FTO: variants seen among roughly 807,000 people sequenced by gnomAD.
FTO encodes alpha-ketoglutarate-dependent dioxygenase FTO.
In FTO, 47 loss-of-function variants were observed where a neutral mutation model predicts 63.9. The ratio of observed to expected loss-of-function variants is 0.74; its 90% CI spans 0.58 to 0.94. FTO has a LOEUF of 0.94. FTO is among the 40% of genes least tolerant of loss of function. The pLI is 0.00. For synonymous variants in FTO, 207 were observed against 224.4 expected (o/e 0.92, Z 0.69); for missense variants, 562 against 618.1 (o/e 0.91, Z 0.96).
chr16:53,788,949 A>G (rs1266155170), intron 1 of FTO, among the ~76,000 whole-genome samples: 3 of 152,234 alleles, frequency 2.0e-5, no homozygotes, highest in African/African-American at 4.8e-5. Context: ...TAGGACATTT[A>G]TAAAGCTGAA....
intron 8 of FTO, among the ~76,000 whole-genome samples, chr16:54,109,944 A>G (rs368895424): frequency 6.6e-6 from 1 of 152,192 alleles, no homozygotes; most frequent in Non-Finnish European, 1.5e-5. Context: ...GAAATGCTCA[A>G]TTTGGAATAA....
At chr16:54,095,800 C>T (rs750505134) in intron 8 of FTO, among the ~76,000 whole-genome samples, 56 of 152,180 alleles carry the variant, frequency 3.7e-4, no homozygotes, top group African/African-American at 1.3e-3. Context: ...AAGGTGACTT[C>T]GCAGATGGCA....
At chr16:53,951,255 A>G (rs1294810420) in intron 8 of FTO, among the ~76,000 whole-genome samples, 1 of 152,192 alleles carries the variant, frequency 6.6e-6, no homozygotes, top group African/African-American at 2.4e-5. Flanking sequence ...CACAATGCTC[A>G]CATTACTAGG....
At chr16:53,747,065 G>A (rs960495441) in intron 1 of FTO, among the ~76,000 whole-genome samples, 2 of 152,072 alleles carry the variant, frequency 1.3e-5, no homozygotes, top group South Asian at 2.1e-4. Context: ...TGGTATTTAC[G>A]GGCTGTGTAT....
intron 4 of FTO, among the ~76,000 whole-genome samples, chr16:53,847,928 T>C (rs1041781099): frequency 6.6e-6 from 1 of 152,188 alleles, no homozygotes; most frequent in African/African-American, 2.4e-5. Context: ...TTATAGGAGC[T>C]GATATCCAAG....
intron 8 of FTO, among the ~76,000 whole-genome samples, chr16:54,059,282 A>T (rs1283210338): frequency 6.6e-6 from 1 of 152,228 alleles, no homozygotes; most frequent in Non-Finnish European, 1.5e-5. Context: ...TGCTATCTCA[A>T]TATGAAAACA....
chr16:53,982,156 C>G (rs2083561747), intron 8 of FTO, among the ~76,000 whole-genome samples: 2 of 152,150 alleles, frequency 1.3e-5, no homozygotes, highest in Middle Eastern at 6.8e-3. Context: ...AACTTCAGTC[C>G]TCACCTCACC....
intron 2 of FTO, among the ~76,000 whole-genome samples, chr16:53,815,377 T>C (rs2078645873): frequency 6.6e-6 from 1 of 152,060 alleles, no homozygotes; most frequent in Non-Finnish European, 1.5e-5. Flanking sequence ...TCCCTGGTGG[T>C]TTTACCTCTT....
At chr16:53,889,871 T>C (rs558300691) in intron 7 of FTO, among the ~76,000 whole-genome samples, 1 of 152,188 alleles carries the variant, frequency 6.6e-6, no homozygotes, top group South Asian at 2.1e-4. Context: ...ATAATACTTA[T>C]TAAGTACCAG....
intron 1 of FTO, among the ~76,000 whole-genome samples, chr16:53,704,847 A>T (rs1971921647): frequency 6.6e-6 from 1 of 152,222 alleles, no homozygotes; most frequent in South Asian, 2.1e-4. Flanking sequence ...AAATTATTTC[A>T]TATCATTGTC....
chr16:53,832,776 A>T (rs558475221), intron 3 of FTO, among the ~76,000 whole-genome samples: 1 of 152,324 alleles, frequency 6.6e-6, no homozygotes, highest in East Asian at 1.9e-4. Flanking sequence ...TATTAACTGT[A>T]CAGTTGAGTG....
chr16:53,707,269 A>G (rs893696249), intron 1 of FTO, among the ~76,000 whole-genome samples: 4 of 152,240 alleles, frequency 2.6e-5, no homozygotes, highest in Middle Eastern at 3.4e-3. Context: ...TTGTGGTAGC[A>G]TCACTTCATA....
chr16:53,870,056 T>C (rs1174423208), intron 4 of FTO, among the ~76,000 whole-genome samples: 1 of 152,122 alleles, frequency 6.6e-6, no homozygotes, highest in African/African-American at 2.4e-5. Flanking sequence ...TTTATGCCTG[T>C]GAATTGTGAA....
intron 1 of FTO, among the ~76,000 whole-genome samples, chr16:53,759,899 C>G (rs1451718445): frequency 8.3e-6 from 1 of 120,690 alleles, no homozygotes; most frequent in Non-Finnish European, 1.7e-5. Flanking sequence ...GCATCCTGAG[C>G]TGGTCTAGGA....
chr16:53,761,733 C>G (rs574678251), intron 1 of FTO, among the ~76,000 whole-genome samples: 41 of 143,136 alleles, frequency 2.9e-4, no homozygotes, highest in African/African-American at 1.1e-3. Flanking sequence ...AATCTAAGCA[C>G]TGGATGTGTG....
At chr16:54,002,942 G>A (rs2084102834) in intron 8 of FTO, among the ~76,000 whole-genome samples, 1 of 152,214 alleles carries the variant, frequency 6.6e-6, no homozygotes, top group African/African-American at 2.4e-5. Flanking sequence ...TCACCTTGGT[G>A]CATCCTCCCC....
At chr16:53,962,006 A>G (rs1231833797) in intron 8 of FTO, among the ~76,000 whole-genome samples, 1 of 152,200 alleles carries the variant, frequency 6.6e-6, no homozygotes, top group Non-Finnish European at 1.5e-5. Flanking sequence ...CTCCCAAAGC[A>G]TCCGAATCAC....
intron 7 of FTO, among the ~76,000 whole-genome samples, chr16:53,918,642 T>G (rs531068157): frequency 1.3e-5 from 2 of 152,296 alleles, no homozygotes; most frequent in African/African-American, 4.8e-5. Flanking sequence ...AATTTAACAG[T>G]TATTTTATGT....
intron 1 of FTO, among the ~76,000 whole-genome samples, chr16:53,790,548 T>C (rs964771173): frequency 1.1e-4 from 12 of 113,286 alleles, no homozygotes; most frequent in Non-Finnish European, 2.0e-4. Flanking sequence ...AAGACCCCCA[T>C]CTCTATAAAG....
Sources: allele counts gnomAD v4.1 joint callset (sites outside exome capture counted in the v4.1 genomes callset), GRCh38; gene constraint gnomAD v4.1.1; transcripts MANE v1.5; gene names NCBI Gene and HGNC (gene_info 2026-07-23, HGNC 2026-07-21).